The following SH3TC2 variants were observed in gnomAD, a reference collection of about 807,000 sequenced individuals.
The protein encoded by SH3TC2 is SH3 domain and tetratricopeptide repeat-containing protein 2.
A neutral mutation model predicts 124.5 loss-of-function variants in SH3TC2; 87 were observed. The observed-to-expected ratio is 0.70, with a 90% CI of 0.59 to 0.84. The LOEUF is 0.84. Ranked by LOEUF, SH3TC2 falls within the 40% of genes least tolerant of loss-of-function variation. SH3TC2 has a pLI of 0.00. For missense variants in SH3TC2, 1,536 were observed against 1,566.4 expected (o/e 0.98, Z 0.33); for synonymous variants, 634 against 628.5 (o/e 1.01, Z -0.13).
chr5:149,005,014 T>C, intron 16 of SH3TC2, 112 bp from the exon 17 acceptor site: 1 of 1,302,560 alleles, frequency 7.7e-7, no homozygotes, highest in Non-Finnish European at 1.1e-6. Flanking sequence ...GTTTGTTTGT[T>C]TGTTTGCCCA....
chr5:149,049,647 T>A (rs1000236992), intron 2 of SH3TC2, among the ~76,000 whole-genome samples: 6 of 151,996 alleles, frequency 3.9e-5, no homozygotes, highest in Admixed American at 3.9e-4. Flanking sequence ...GGCCTGGGCA[T>A]GGTGGTGCAT....
At position 149,040,654 on chromosome 5, in the gene SH3TC2, C is replaced by T. The variant is rs370574210; in HGVS notation, c.755G>A (p.Gly252Glu). ...CCTCTTCCTGGAAAGGCCACAGCTTCCTGGATAATTCTTTAGGAACCACCT... is the reference window on the plus strand; with the variant it reads ...CCTCTTCCTGGAAAGGCCACAGCTTTCTGGATAATTCTTTAGGAACCACCT... Reference protein sequence around the residue: ...FHQWFLKNYPGSCGLSRKRDW... With the variant: ...FHQWFLKNYPESCGLSRKRDW... The change falls in exon 7 of 17, where the codon GGA becomes GAA. Residue 252 changes from glycine (G) to glutamate (E), a missense_variant. Physicochemically the swap from Gly to Glu is moderately conservative, Grantham distance 98 (BLOSUM62 -2). Coordinates refer to ENST00000515425, the MANE Select transcript of SH3TC2 (RefSeq NM_024577.4). 6.2e-7 allele frequency: 1 copy of T among 1,614,168 alleles called. No individual in the cohort carries two copies. Among genetic ancestry groups the T allele is most frequent in the East Asian group, 2.2e-5 (1 of 44,894 alleles).
chr5:149,056,141 C>T (rs1754643809), intron 1 of SH3TC2, among the ~76,000 whole-genome samples: 1 of 151,628 alleles, frequency 6.6e-6, no homozygotes, highest in Non-Finnish European at 1.5e-5. Context: ...TTTCGGGGTA[C>T]ATGTGAAGGT....
At chr5:149,032,341 T>A (rs1754211495) in intron 8 of SH3TC2, among the ~76,000 whole-genome samples, 1 of 152,246 alleles carries the variant, frequency 6.6e-6, no homozygotes, top group African/African-American at 2.4e-5. Flanking sequence ...ATACTCATGC[T>A]GTTGTGTAAA....
chr5:149,026,760 C>A lies in SH3TC2; in HGVS notation c.2873-8G>T, dbSNP rs774586828. The A allele has an allele frequency of 2.5e-6, 4 of 1,614,154 alleles. No homozygotes were observed. In the Admixed American group the frequency reaches 6.7e-5, roughly 27 times the overall value. On this transcript the variant is annotated splice_polypyrimidine_tract_variant and splice_region_variant and intron_variant, in intron 11 of 16. Transcript: ENST00000515425. ...TGGTGGCCTGAAGCTGACCTGAACA[C>A]AAAGCAGGGACATGAATGAGATGAC...
In SH3TC2 at chr5:148,991,066, G is replaced by A. The variant is rs180704051; in HGVS notation, c.*13645C>T. Reference sequence around the variant, plus strand: ...TTGAACATCTGTTGACACTTTCCAGGGGACTTTCAAAACCCCAATCCCTCA... The same window carrying A: ...TTGAACATCTGTTGACACTTTCCAGAGGACTTTCAAAACCCCAATCCCTCA... On this transcript the variant is annotated 3_prime_UTR_variant, in exon 17 of 17. Coordinates refer to ENST00000515425, the MANE Select transcript of SH3TC2 (RefSeq NM_024577.4). Among the ~76,000 whole-genome samples, 196 of 152,162 alleles carry A rather than the reference G, an allele frequency of 1.3e-3. No individual in the cohort carries two copies. Among genetic ancestry groups the A allele is most frequent in the Admixed American group, 2.4e-3 (36 of 15,288 alleles).
chr5:149,017,091 A>G (rs1172580090), intron 12 of SH3TC2, among the ~76,000 whole-genome samples: 1 of 152,202 alleles, frequency 6.6e-6, no homozygotes, highest in African/African-American at 2.4e-5. Flanking sequence ...ACTTACCACA[A>G]TTTATACGAT....
At chr5:149,019,293 G>A (rs1313169765) in intron 12 of SH3TC2, among the ~76,000 whole-genome samples, 1 of 151,972 alleles carries the variant, frequency 6.6e-6, no homozygotes, top group Non-Finnish European at 1.5e-5. Context: ...CTTTGTTCTT[G>A]TATTTTTTTT....
intron 1 of SH3TC2, among the ~76,000 whole-genome samples, chr5:149,058,536 ATTTAT>A (rs1389068697): frequency 1.3e-5 from 2 of 150,550 alleles, no homozygotes; most frequent in African/African-American, 2.4e-5. Flanking sequence ...TTATTGGGTT[ATTTAT>A]CTTATCATTA....
intron 14 of SH3TC2, among the ~76,000 whole-genome samples, 174 bp downstream of exon 14, chr5:149,010,096 C>A (rs1753758472): frequency 6.6e-6 from 1 of 152,174 alleles, no homozygotes; most frequent in South Asian, 2.1e-4. Flanking sequence ...TCAGAACCTT[C>A]CCTGAGCTCC....
At chr5:149,006,834 A>G in intron 16 of SH3TC2, 47 bp downstream of exon 16, 1 of 1,570,016 alleles carries the variant, frequency 6.4e-7, no homozygotes, top group Non-Finnish European at 8.8e-7. Context: ...AGGAAGGAGA[A>G]TGGTTGGGTG....
In SH3TC2 at chr5:148,982,734, C is replaced by A. The variant is rs1753270626; in HGVS notation, c.*21977G>T. Among the ~76,000 whole-genome samples, 1 of 152,114 alleles carries A rather than the reference C, an allele frequency of 6.6e-6. No individual in the cohort carries two copies. Among genetic ancestry groups the A allele is most frequent in the African/African-American group, 2.4e-5 (1 of 41,424 alleles). On this transcript the variant is annotated 3_prime_UTR_variant, in exon 17 of 17. Coordinates refer to ENST00000515425, the MANE Select transcript of SH3TC2 (RefSeq NM_024577.4). The stretch of plus-strand genomic sequence containing the variant: ...CACAAAATATCCCTGGAAGAATACA[C>A]AAGAAACTAATTTTTTAAATGTGGC...
chr5:149,044,322 C>T (rs550216497), intron 4 of SH3TC2: 6 of 516,224 alleles, frequency 1.2e-5, no homozygotes, highest in Admixed American at 6.4e-5. Context: ...CACAAAAAAG[C>T]AAACTTCTTC....
chr5:149,007,411 C>G (rs569215809), intron 15 of SH3TC2: 1 of 564,954 alleles, frequency 1.8e-6, no homozygotes, highest in South Asian at 2.3e-5. Context: ...ATTGCAGATG[C>G]TACTGTAATG....
intron 2 of SH3TC2, among the ~76,000 whole-genome samples, chr5:149,049,621 A>G (rs1226256550): frequency 6.6e-6 from 1 of 151,976 alleles, no homozygotes; most frequent in Admixed American, 6.6e-5. Context: ...AGAAAAAAAA[A>G]TTAGCCAGAC....
At chr5:149,057,219 T>C (rs1411932664) in intron 1 of SH3TC2, among the ~76,000 whole-genome samples, 1 of 152,124 alleles carries the variant, frequency 6.6e-6, no homozygotes. Context: ...ATATCAGTAA[T>C]ATCCTTTTTA....
In SH3TC2 at chr5:149,028,608, G is replaced by A. The variant is rs150851184; in HGVS notation, c.1178-54C>T. On this transcript the variant is annotated intron_variant, in intron 10 of 16. Transcript: ENST00000515425. ...TTGGGCACCTGCACCTAAGGTGGCC[G>A]CTCTTGGCAAGAGGACAGAAGTGCT... The A allele has an allele frequency of 1.6e-4, 255 of 1,614,140 alleles. 1 individual carries two copies. Among genetic ancestry groups the A allele is most frequent in the Middle Eastern group, 1.2e-3 (7 of 6,062 alleles).
At chr5:149,058,443 C>A (rs139882525) in intron 1 of SH3TC2, among the ~76,000 whole-genome samples, 1 of 152,054 alleles carries the variant, frequency 6.6e-6, no homozygotes, top group Admixed American at 6.6e-5. Context: ...TAATGACTTA[C>A]GATGTTAATC....
chr5:148,999,837 C>T lies in SH3TC2; in HGVS notation c.*4874G>A, dbSNP rs1465935832. 6.6e-6 allele frequency among the ~76,000 whole-genome samples: 1 copy of T among 152,120 alleles called. No homozygotes were observed. Among genetic ancestry groups the T allele is most frequent in the Non-Finnish European group, 1.5e-5 (1 of 68,012 alleles). ...ACTGCTTATAATCCTTCTATACCTT[C>T]CCCTCAACCTCCAGGTAGAATCCAA... is the stretch of plus-strand genomic sequence containing the variant. On this transcript the variant is annotated 3_prime_UTR_variant, in exon 17 of 17. Transcript: ENST00000515425.
Sources: allele counts gnomAD v4.1 joint callset (sites outside exome capture counted in the v4.1 genomes callset), GRCh38; gene constraint gnomAD v4.1.1; transcripts MANE v1.5; gene names NCBI Gene and HGNC (gene_info 2026-07-23, HGNC 2026-07-21).